The following MAST2 variants were observed in gnomAD, a reference collection of about 807,000 sequenced individuals.
MAST2 encodes the protein microtubule associated serine/threonine kinase 2.
A neutral mutation model predicts 147.4 loss-of-function variants in MAST2; 70 were observed. The observed-to-expected ratio is 0.47, with a 90% confidence interval of 0.39 to 0.58. The LOEUF is 0.58. Among genes scored for constraint, MAST2 ranks in the 20% least tolerant of loss-of-function variants. The pLI is 0.00. For missense variants in MAST2, 2,080 were observed against 2,302.3 expected (o/e 0.90, Z 1.98); for synonymous variants, 869 against 896.8 (o/e 0.97, Z 0.55).
chr1:45,880,118 T>A (rs1646778859), intron 3 of MAST2, among the ~76,000 whole-genome samples: 4 of 152,312 alleles, frequency 2.6e-5, no homozygotes, highest in African/African-American at 9.6e-5. Context: ...TTTTAGGGAT[T>A]TACCCAAGAG....
At chr1:45,896,208 T>G (rs1167999815) in intron 4 of MAST2, among the ~76,000 whole-genome samples, 1 of 152,094 alleles carries the variant, frequency 6.6e-6, no homozygotes, top group Non-Finnish European at 1.5e-5. Flanking sequence ...TTTTGTGTTT[T>G]TAGTAGAGAT....
At chr1:45,875,624 C>T (rs79897272) in intron 3 of MAST2, among the ~76,000 whole-genome samples, 5 of 151,610 alleles carry the variant, frequency 3.3e-5, no homozygotes, top group Non-Finnish European at 5.9e-5. Flanking sequence ...GGCTTGTGCC[C>T]GGGGAAGTAG....
At chr1:45,846,637 T>A (rs1258792043) in intron 3 of MAST2, among the ~76,000 whole-genome samples, 2 of 151,954 alleles carry the variant, frequency 1.3e-5, no homozygotes, top group Non-Finnish European at 2.9e-5. Flanking sequence ...CTGGCCAACA[T>A]GGTGAAACCC....
chr1:45,900,367 A>G (rs1649567131), intron 4 of MAST2, among the ~76,000 whole-genome samples: 1 of 149,250 alleles, frequency 6.7e-6, no homozygotes. Context: ...AACATCTGTC[A>G]TTTTCCATTC....
chr1:45,815,212 C>G (rs1391575196), intron 1 of MAST2, among the ~76,000 whole-genome samples: 1 of 151,186 alleles, frequency 6.6e-6, no homozygotes, highest in Non-Finnish European at 1.5e-5. Flanking sequence ...AACTGTCTCC[C>G]AGTCTGGAGT....
At chr1:45,821,276 T>G (rs1644618666) in intron 1 of MAST2, among the ~76,000 whole-genome samples, 1 of 152,184 alleles carries the variant, frequency 6.6e-6, no homozygotes, top group South Asian at 2.1e-4. Context: ...ACTTCTGGAC[T>G]CCACAGTTCT....
chr1:45,960,115 A>C (rs1660205537), intron 5 of MAST2, among the ~76,000 whole-genome samples: 1 of 152,140 alleles, frequency 6.6e-6, no homozygotes, highest in Non-Finnish European at 1.5e-5. Context: ...TACTGGAATT[A>C]AAGCAAATGA....
At chr1:45,926,437 GT>G (rs1654375955) in intron 4 of MAST2, among the ~76,000 whole-genome samples, 1 of 119,696 alleles carries the variant, frequency 8.4e-6, no homozygotes, top group East Asian at 3.3e-4. Context: ...CCTACCATAT[GT>G]CCATACTGCA....
chr1:45,818,300 C>A (rs1644517824), intron 1 of MAST2, among the ~76,000 whole-genome samples: 1 of 152,140 alleles, frequency 6.6e-6, no homozygotes, highest in Non-Finnish European at 1.5e-5. Flanking sequence ...AGCAGACCAC[C>A]AAACAGTGAC....
intron 4 of MAST2, among the ~76,000 whole-genome samples, chr1:45,906,613 A>C (rs991314511): frequency 3.4e-5 from 5 of 148,194 alleles, no homozygotes; most frequent in African/African-American, 1.2e-4. Flanking sequence ...TTGTTATTAT[A>C]TAATTATATT....
intron 10 of MAST2, 135 bp from the exon 11 acceptor site, chr1:46,019,461 C>T (rs1458680510): frequency 1.5e-6 from 1 of 652,110 alleles, no homozygotes; most frequent in Non-Finnish European, 2.6e-6. Flanking sequence ...AGCCAGCCTT[C>T]TCTGAGTTCC....
intron 4 of MAST2, among the ~76,000 whole-genome samples, chr1:45,940,715 G>C (rs571805709): frequency 2.6e-5 from 4 of 151,852 alleles, no homozygotes; most frequent in African/African-American, 9.7e-5. Context: ...CGCCACCCGG[G>C]TTCACGCCAT....
At chr1:45,872,990 A>G (rs182771592) in intron 3 of MAST2, among the ~76,000 whole-genome samples, 2 of 152,290 alleles carry the variant, frequency 1.3e-5, no homozygotes, top group Non-Finnish European at 2.9e-5. Flanking sequence ...AGAAAGTATC[A>G]AAGTGTATCA....
chr1:45,952,972 A>G (rs990030976), intron 4 of MAST2, among the ~76,000 whole-genome samples: 2 of 152,230 alleles, frequency 1.3e-5, no homozygotes, highest in African/African-American at 4.8e-5. Flanking sequence ...AATAATAATT[A>G]CTAATTTGGC....
At chr1:45,983,810 T>C (rs1644506843) in intron 5 of MAST2, among the ~76,000 whole-genome samples, 1 of 152,242 alleles carries the variant, frequency 6.6e-6, no homozygotes, top group South Asian at 2.1e-4. Context: ...TTTTCTGTGC[T>C]AACAAGTGAT....
chr1:45,939,108 C>T (rs1656743694), intron 4 of MAST2, among the ~76,000 whole-genome samples: 1 of 151,552 alleles, frequency 6.6e-6, no homozygotes, highest in Non-Finnish European at 1.5e-5. Context: ...CTTGCCTAAC[C>T]CAAGCTGTTT....
chr1:45,947,883 A>T (rs548902396), intron 4 of MAST2, among the ~76,000 whole-genome samples: 1 of 152,172 alleles, frequency 6.6e-6, no homozygotes, highest in African/African-American at 2.4e-5. Flanking sequence ...CACCCGGCTA[A>T]TTTTTTGTAT....
intron 10 of MAST2, 75 bp from the exon 11 acceptor site, chr1:46,019,521 G>A: frequency 1.7e-6 from 2 of 1,170,672 alleles, no homozygotes; most frequent in South Asian, 1.2e-5. Flanking sequence ...CCTGGAGTCA[G>A]CTCTGCCCTG....
At chr1:45,846,808 G>A (rs1645452489) in intron 3 of MAST2, among the ~76,000 whole-genome samples, 1 of 148,126 alleles carries the variant, frequency 6.8e-6, no homozygotes, top group African/African-American at 2.5e-5. Flanking sequence ...CCAGGTGACA[G>A]TGCAAGACTC....
Sources: allele counts gnomAD v4.1 joint callset (sites outside exome capture counted in the v4.1 genomes callset), GRCh38; gene constraint gnomAD v4.1.1; transcripts MANE v1.5; gene names NCBI Gene and HGNC (gene_info 2026-07-23, HGNC 2026-07-21).